PCDH9: variants seen among roughly 807,000 people sequenced by gnomAD.
The protein encoded by PCDH9 is protocadherin-9.
Under a neutral mutation model 70.6 loss-of-function variants are expected in PCDH9, and 24 were observed. The ratio of observed to expected loss-of-function variants is 0.34; its 90% CI spans 0.25 to 0.48. The LOEUF is 0.48. PCDH9 is among the 20% of genes least tolerant of loss of function. The pLI, the probability that PCDH9 is intolerant of heterozygous loss-of-function variation, is 0.99. For synonymous variants in PCDH9, 562 were observed against 558.5 expected, an observed-to-expected ratio of 1.01 and a Z score of -0.09; for missense variants, 1,281 against 1,503.6, an observed-to-expected ratio of 0.85 and a Z score of 2.45.
At position 66,603,000 on chromosome 13, in the gene PCDH9, G is replaced by A. The variant is rs2077181307; in HGVS notation, c.3340+28210C>T. Among the ~76,000 whole-genome samples the A allele has an allele frequency of 1.4e-5, 2 of 145,858 alleles. 1 individual carries two copies. Among genetic ancestry groups the A allele is most frequent in the Middle Eastern group, 6.7e-3 (2 of 300 alleles). On this transcript the variant is annotated intron_variant, in intron 4 of 4. Coordinates refer to ENST00000377865, the MANE Select transcript of PCDH9 (RefSeq NM_203487.3). The stretch of plus-strand genomic sequence containing the variant: ...GCTATACCTTGTAGACTAGGAGTGT[G>A]TAGGCGATACCATCTAGGTTTGTGT...
intron 4 of PCDH9, among the ~76,000 whole-genome samples, chr13:66,349,878 T>G (rs1228474189): frequency 6.6e-6 from 1 of 152,208 alleles, no homozygotes; most frequent in Non-Finnish European, 1.5e-5. Context: ...TAGATTTGTA[T>G]AGTCAAAAGA....
At chr13:66,395,128 T>G (rs1340787561) in intron 4 of PCDH9, among the ~76,000 whole-genome samples, 1 of 152,172 alleles carries the variant, frequency 6.6e-6, no homozygotes, top group African/African-American at 2.4e-5. Context: ...ACAACTCTAA[T>G]GCCAATGAAA....
chr13:66,372,639 T>A (rs1045082414), intron 4 of PCDH9, among the ~76,000 whole-genome samples: 2 of 151,616 alleles, frequency 1.3e-5, no homozygotes, highest in Admixed American at 6.6e-5. Flanking sequence ...TTCTTTGTCA[T>A]AAGTTTAAAA....
chr13:66,804,231 T>C (rs2080375678), intron 3 of PCDH9, among the ~76,000 whole-genome samples: 1 of 152,184 alleles, frequency 6.6e-6, no homozygotes, highest in African/African-American at 2.4e-5. Context: ...TCTCAAATAA[T>C]TCAGCTGTAA....
At chr13:66,966,741 T>A (rs1473959858) in intron 2 of PCDH9, among the ~76,000 whole-genome samples, 1 of 152,084 alleles carries the variant, frequency 6.6e-6, no homozygotes, top group Non-Finnish European at 1.5e-5. Context: ...TGAAGGGTCA[T>A]GAGGGCATGA....
At chr13:66,654,303 T>C (rs1434288675) in intron 3 of PCDH9, among the ~76,000 whole-genome samples, 2 of 151,986 alleles carry the variant, frequency 1.3e-5, no homozygotes, top group Admixed American at 6.6e-5. Context: ...AGAAGAATGG[T>C]TACCAGGGGC....
At chr13:66,678,897 A>C (rs1279654434) in intron 3 of PCDH9, among the ~76,000 whole-genome samples, 1 of 151,784 alleles carries the variant, frequency 6.6e-6, no homozygotes, top group African/African-American at 2.4e-5. Context: ...AGCTCTAGTG[A>C]ACACTCAAAA....
intron 4 of PCDH9, among the ~76,000 whole-genome samples, chr13:66,620,101 A>C (rs1276152693): frequency 6.6e-6 from 1 of 152,118 alleles, no homozygotes; most frequent in African/African-American, 2.4e-5. Flanking sequence ...CTTGCAAATC[A>C]AAGAAATACT....
chr13:67,160,197 T>G (rs2087917909), intron 2 of PCDH9, among the ~76,000 whole-genome samples: 1 of 152,210 alleles, frequency 6.6e-6, no homozygotes, highest in Non-Finnish European at 1.5e-5. Flanking sequence ...TCCAAAAGTT[T>G]TATAAGTTTT....
intron 3 of PCDH9, among the ~76,000 whole-genome samples, chr13:66,738,037 G>A (rs368594581): frequency 0.017 from 2,618 of 152,282 alleles, 42 homozygotes; most frequent in Non-Finnish European, 0.029. Flanking sequence ...TCCACCTCTG[G>A]GGGCAGGGCA....
chr13:67,105,526 C>G (rs1212791648), intron 2 of PCDH9, among the ~76,000 whole-genome samples: 1 of 151,896 alleles, frequency 6.6e-6, no homozygotes, highest in East Asian at 1.9e-4. Context: ...ATAAAACATG[C>G]CTGTGAAATA....
chr13:66,739,721 A>G (rs1484159411), intron 3 of PCDH9, among the ~76,000 whole-genome samples: 2 of 151,504 alleles, frequency 1.3e-5, no homozygotes. Flanking sequence ...CTTTAAACCA[A>G]CAAAGATCAA....
At chr13:66,481,703 A>G (rs1958840657) in intron 4 of PCDH9, among the ~76,000 whole-genome samples, 3 of 152,134 alleles carry the variant, frequency 2.0e-5, no homozygotes, top group Non-Finnish European at 4.4e-5. Context: ...AACCTTATAA[A>G]CAGCACAGCA....
chr13:66,329,436 A>G (rs564590161), intron 4 of PCDH9, among the ~76,000 whole-genome samples: 1 of 152,336 alleles, frequency 6.6e-6, no homozygotes, highest in Admixed American at 6.5e-5. Flanking sequence ...TCAACTAATT[A>G]TCCCACCTCC....
At chr13:66,388,578 T>C (rs932774678) in intron 4 of PCDH9, among the ~76,000 whole-genome samples, 3 of 152,278 alleles carry the variant, frequency 2.0e-5, no homozygotes, top group African/African-American at 4.8e-5. Flanking sequence ...AAAATTTGTT[T>C]TGTTCAAGAA....
intron 2 of PCDH9, chr13:67,223,590 G>C (rs1426943232): frequency 6.6e-6 from 1 of 151,958 alleles, no homozygotes; most frequent in East Asian, 1.9e-4. Flanking sequence ...AACTCATTTA[G>C]TTTCATAAAT....
rs371411301 is a variant in PCDH9, at chr13:66,656,379, A to G, written c.3139-24968T>C. On this transcript the variant is annotated intron_variant, in intron 3 of 4. Transcript: ENST00000377865. Reference sequence around the variant, plus strand: ...TATTCAGTAGAGTTAAGACACCATCAGAGGTTTCTGGAATTACATTCTAAT... The same window carrying G: ...TATTCAGTAGAGTTAAGACACCATCGGAGGTTTCTGGAATTACATTCTAAT... 3.0e-4 allele frequency among the ~76,000 whole-genome samples: 45 copies of G among 152,330 alleles called. No homozygotes were observed. The South Asian group carries it at 9.1e-3, about 31-fold the overall frequency.
At chr13:66,337,426 G>A (rs150550262) in intron 4 of PCDH9, among the ~76,000 whole-genome samples, 1 of 152,138 alleles carries the variant, frequency 6.6e-6, no homozygotes, top group East Asian at 1.9e-4. Flanking sequence ...ATTCTGGAAG[G>A]CCCTTGGTGA....
intron 4 of PCDH9, among the ~76,000 whole-genome samples, chr13:66,510,977 C>T (rs911599143): frequency 6.6e-6 from 1 of 152,060 alleles, no homozygotes; most frequent in African/African-American, 2.4e-5. Context: ...TGTTTGGAAG[C>T]CAAGAAATTT....
Sources: allele counts gnomAD v4.1 joint callset (sites outside exome capture counted in the v4.1 genomes callset), GRCh38; gene constraint gnomAD v4.1.1; transcripts MANE v1.5; gene names NCBI Gene and HGNC (gene_info 2026-07-23, HGNC 2026-07-21).